FTO: variants seen among roughly 807,000 people sequenced by gnomAD.
The protein encoded by FTO is alpha-ketoglutarate-dependent dioxygenase FTO.
A neutral mutation model predicts 63.9 loss-of-function variants in FTO; 47 were observed. The ratio of observed to expected loss-of-function variants is 0.74; its 90% CI spans 0.58 to 0.94. The LOEUF (loss-of-function observed/expected upper bound fraction) is 0.94. Ranked by LOEUF, FTO falls within the 40% of genes least tolerant of loss-of-function variation. The pLI, the probability that FTO is intolerant of heterozygous loss-of-function variation, is 0.00. For missense variants in FTO, 562 were observed against 618.1 expected, an observed-to-expected ratio of 0.91 and a Z score of 0.96; for synonymous variants, 207 against 224.4, an observed-to-expected ratio of 0.92 and a Z score of 0.69.
At chr16:54,002,527 G>A (rs2084092124) in intron 8 of FTO, among the ~76,000 whole-genome samples, 1 of 152,244 alleles carries the variant, frequency 6.6e-6, no homozygotes, top group South Asian at 2.1e-4. Flanking sequence ...CTAGAGAAGT[G>A]GAGAAACCTG....
intron 8 of FTO, among the ~76,000 whole-genome samples, chr16:53,969,495 A>G (rs2083270890): frequency 1.3e-5 from 2 of 152,090 alleles, no homozygotes; most frequent in Non-Finnish European, 2.9e-5. Context: ...TACCAACATT[A>G]TGGCCTTTTG....
chr16:53,970,715 C>T (rs1468448995), intron 8 of FTO, among the ~76,000 whole-genome samples: 2 of 151,948 alleles, frequency 1.3e-5, no homozygotes, highest in African/African-American at 4.8e-5. Context: ...ACAGTTATTA[C>T]CTTACAGAGG....
intron 1 of FTO, among the ~76,000 whole-genome samples, chr16:53,797,137 C>A (rs1399290527): frequency 6.6e-6 from 1 of 152,196 alleles, no homozygotes; most frequent in Non-Finnish European, 1.5e-5. Context: ...AATTGTGAGA[C>A]AGGCACAGAG....
intron 1 of FTO, among the ~76,000 whole-genome samples, chr16:53,713,147 A>G (rs557656943): frequency 1.9e-4 from 29 of 152,174 alleles, no homozygotes; most frequent in Non-Finnish European, 2.9e-4. Flanking sequence ...ATGGTTAAGT[A>G]CCTTATGAAT....
At chr16:53,814,596 T>C (rs916636468) in intron 2 of FTO, 2 of 152,328 alleles carry the variant, frequency 1.3e-5, no homozygotes, top group Non-Finnish European at 2.9e-5. Flanking sequence ...GTCTCCACTC[T>C]TAAGTCCTAT....
At chr16:54,021,870 T>C (rs2084610550) in intron 8 of FTO, among the ~76,000 whole-genome samples, 1 of 152,148 alleles carries the variant, frequency 6.6e-6, no homozygotes, top group Admixed American at 6.5e-5. Context: ...GCCTTTAAAA[T>C]GAAATATGAT....
intron 8 of FTO, chr16:53,984,876 T>C (rs1567495649): frequency 2.2e-6 from 1 of 453,286 alleles, no homozygotes. Context: ...TGTCGCTTTT[T>C]CTCTTGGCTT....
intron 1 of FTO, among the ~76,000 whole-genome samples, chr16:53,773,243 C>T (rs767168482): frequency 2.6e-5 from 4 of 152,034 alleles, no homozygotes; most frequent in Non-Finnish European, 4.4e-5. Context: ...AATGTGATTT[C>T]TTCTACTCCT....
At chr16:54,030,141 C>T (rs530890953) in intron 8 of FTO, among the ~76,000 whole-genome samples, 1 of 152,280 alleles carries the variant, frequency 6.6e-6, no homozygotes, top group African/African-American at 2.4e-5. Flanking sequence ...TTGACATCTG[C>T]AGGCTTTAGT....
At chr16:53,839,646 A>T (rs527841213) in intron 3 of FTO, among the ~76,000 whole-genome samples, 3 of 152,276 alleles carry the variant, frequency 2.0e-5, no homozygotes, top group Admixed American at 6.5e-5. Context: ...GTAGTCAAGC[A>T]GACTGTTACC....
chr16:54,026,255 A>G lies in FTO; in HGVS notation c.1365-85507A>G, dbSNP rs539991718. 7.2e-5 allele frequency among the ~76,000 whole-genome samples: 11 copies of G among 152,270 alleles called. 1 individual carries two copies. In the South Asian group the frequency reaches 2.1e-3, roughly 29 times the overall value. ...GCCCCTTTGGTCTTGAGGTTCTGCTATACTTTGACTTGGCTTCTGGCTTCA... is the reference window on the plus strand; with the variant it reads ...GCCCCTTTGGTCTTGAGGTTCTGCTGTACTTTGACTTGGCTTCTGGCTTCA... On this transcript the variant is annotated intron_variant, in intron 8 of 8. Transcript: ENST00000471389.
chr16:53,750,504 G>T (rs2076762863), intron 1 of FTO, among the ~76,000 whole-genome samples: 1 of 152,120 alleles, frequency 6.6e-6, no homozygotes, highest in Admixed American at 6.5e-5. Flanking sequence ...CTCCCAAAGT[G>T]CTGGGATTAC....
At chr16:54,060,843 C>T (rs1315807171) in intron 8 of FTO, among the ~76,000 whole-genome samples, 1 of 152,178 alleles carries the variant, frequency 6.6e-6, no homozygotes, top group East Asian at 1.9e-4. Context: ...ACTTTCTATT[C>T]ATCATTATCT....
intron 8 of FTO, among the ~76,000 whole-genome samples, chr16:54,076,807 T>C (rs1346981044): frequency 6.6e-6 from 1 of 152,184 alleles, no homozygotes; most frequent in African/African-American, 2.4e-5. Flanking sequence ...TAGTCCTTAC[T>C]GCAGATGAGT....
At chr16:53,823,080 C>T (rs1010715804) in intron 2 of FTO, among the ~76,000 whole-genome samples, 4 of 152,152 alleles carry the variant, frequency 2.6e-5, no homozygotes, top group Non-Finnish European at 5.9e-5. Flanking sequence ...ATCTCACTTC[C>T]TCCTCTTTCA....
intron 8 of FTO, among the ~76,000 whole-genome samples, chr16:54,019,901 G>A (rs2084548429): frequency 6.6e-6 from 1 of 152,132 alleles, no homozygotes; most frequent in Admixed American, 6.6e-5. Flanking sequence ...AAAAGAAGGT[G>A]GCTGGGAGGG....
chr16:53,958,349 C>T (rs1233786296), intron 8 of FTO, among the ~76,000 whole-genome samples: 2 of 152,166 alleles, frequency 1.3e-5, no homozygotes, highest in African/African-American at 4.8e-5. Flanking sequence ...AGTGATTGTG[C>T]CTCTTCCTGG....
intron 1 of FTO, among the ~76,000 whole-genome samples, chr16:53,768,677 T>A (rs2077265650): frequency 6.6e-6 from 1 of 152,126 alleles, no homozygotes; most frequent in South Asian, 2.1e-4. Context: ...TTGGGGGTGG[T>A]TTATGAGTCA....
intron 7 of FTO, among the ~76,000 whole-genome samples, chr16:53,904,543 C>T (rs975283730): frequency 1.5e-4 from 23 of 152,088 alleles, no homozygotes; most frequent in Non-Finnish European, 1.0e-4. Flanking sequence ...GTGCGGTTAG[C>T]GTGACATGCA....
Sources: allele counts gnomAD v4.1 joint callset (sites outside exome capture counted in the v4.1 genomes callset), GRCh38; gene constraint gnomAD v4.1.1; transcripts MANE v1.5; gene names NCBI Gene and HGNC (gene_info 2026-07-23, HGNC 2026-07-21).